Variants in MAP7 observed in about 807,000 individuals in gnomAD.
MAP7 encodes ensconsin.
A neutral mutation model predicts 94.8 loss-of-function variants in MAP7; 52 were observed. The ratio of observed to expected loss-of-function variants is 0.55; its 90% CI spans 0.44 to 0.69. The LOEUF (loss-of-function observed/expected upper bound fraction) is 0.69, where lower values mean the gene tolerates loss of function less well. MAP7 is among the 30% of genes least tolerant of loss of function. The probability of loss-of-function intolerance (pLI) is 0.00; values close to 1 mark genes in which losing one functional copy is unlikely to be tolerated. For synonymous variants in MAP7, 350 were observed against 357.0 expected, an observed-to-expected ratio of 0.98 and a Z score of 0.22; for missense variants, 940 against 964.6, an observed-to-expected ratio of 0.97 and a Z score of 0.34.
rs761607300 is a variant in MAP7, at chr6:136,466,778, TC to T, written c.68-44980del. 39 of 1,535,392 alleles carry T rather than the reference TC, an allele frequency of 2.5e-5. No homozygotes were observed. In the South Asian group the frequency reaches 4.6e-4, roughly 18 times the overall value. Reference sequence around the variant, plus strand: ...GAACTTACAGTACAGTTTAGTGTCTTCCATGCTAAAATCCTTCTTTCTTGAA... The same window carrying T: ...GAACTTACAGTACAGTTTAGTGTCTTCATGCTAAAATCCTTCTTTCTTGAA... On this transcript the variant is annotated intron_variant, in intron 1 of 17. Transcript: ENST00000354570.
chr6:136,362,624 G>A lies in MAP7; in HGVS notation c.1352C>T (p.Pro451Leu), dbSNP rs1349857565. The A allele has an allele frequency of 6.2e-7, 1 of 1,613,220 alleles. No homozygotes were observed. Among genetic ancestry groups the A allele is most frequent in the South Asian group, 1.1e-5 (1 of 91,018 alleles). Reference sequence around the variant, plus strand: ...GGATGACGGGGCTGAGACCATGGCTGGGGTGGGGACCGGGGCTGGAGCTGG... The same window carrying A: ...GGATGACGGGGCTGAGACCATGGCTAGGGTGGGGACCGGGGCTGGAGCTGG... ...SAPAPAPVPT[P>L]AMVSAPSSTV... The change falls in exon 11 of 18, where the codon CCA becomes CTA. Residue 451 changes from proline (P) to leucine (L), a missense_variant. Coordinates refer to ENST00000354570, the MANE Select transcript of MAP7 (RefSeq NM_003980.6).
At chr6:136,354,104 T>C (rs1029865518) in intron 16 of MAP7, among the ~76,000 whole-genome samples, 3 of 102,148 alleles carry the variant, frequency 2.9e-5, no homozygotes, top group African/African-American at 1.1e-4. Flanking sequence ...TCTGGGAATC[T>C]ACTATATATA....
chr6:136,450,954 C>T (rs1364940176), intron 1 of MAP7, among the ~76,000 whole-genome samples: 1 of 152,038 alleles, frequency 6.6e-6, no homozygotes, highest in Non-Finnish European at 1.5e-5. Context: ...GCCTTTTTGG[C>T]ATAAGGATTA....
chr6:136,485,138 A>G (rs1814217755), intron 1 of MAP7, among the ~76,000 whole-genome samples: 1 of 152,236 alleles, frequency 6.6e-6, no homozygotes, highest in Non-Finnish European at 1.5e-5. Flanking sequence ...GAAAAATGGT[A>G]TGAATTGTGT....
intron 8 of MAP7, among the ~76,000 whole-genome samples, chr6:136,372,201 A>G (rs969700886): frequency 6.6e-6 from 1 of 152,210 alleles, no homozygotes; most frequent in African/African-American, 2.4e-5. Context: ...GTATTCTGGC[A>G]TTGTACTTAT....
intron 3 of MAP7, among the ~76,000 whole-genome samples, chr6:136,405,766 G>A (rs1785402534): frequency 6.6e-6 from 1 of 152,206 alleles, no homozygotes. Context: ...GCTGTCTTGG[G>A]CCAAGGTGGC....
intron 1 of MAP7, among the ~76,000 whole-genome samples, chr6:136,456,840 A>AGAAGAG (rs1269338411): frequency 2.4e-5 from 3 of 123,964 alleles, no homozygotes; most frequent in African/African-American, 8.5e-5. Context: ...AAGAAGAAGA[A>AGAAGAG]GAAGAAGAGG....
chr6:136,497,816 A>G (rs896848325), intron 1 of MAP7, among the ~76,000 whole-genome samples: 3 of 151,332 alleles, frequency 2.0e-5, no homozygotes, highest in East Asian at 1.9e-4. Context: ...AAAAAAAAAA[A>G]AAAGAAAGCA....
At chr6:136,488,671 TTGATCTCG>T (rs1815567098) in intron 1 of MAP7, among the ~76,000 whole-genome samples, 1 of 152,162 alleles carries the variant, frequency 6.6e-6, no homozygotes, top group African/African-American at 2.4e-5. Context: ...TCTTGATCTC[TTGATCTCG>T]TGATCTGCCT....
chr6:136,437,596 G>C (rs374462385), intron 1 of MAP7, among the ~76,000 whole-genome samples: 1 of 152,114 alleles, frequency 6.6e-6, no homozygotes, highest in African/African-American at 2.4e-5. Flanking sequence ...TTATGTATAA[G>C]AATGACAGTT....
rs1283788785 is a variant in MAP7, at chr6:136,365,800, G to A, written c.1208C>T (p.Pro403Leu). Residue 403 changes from proline to leucine, a missense_variant, in exon 10 of 18, where the codon CCT becomes CTT. Pro to Leu is a moderately conservative substitution (Grantham distance 98). Transcript: ENST00000354570. ...ANEPSLKGRA[P>L]LVKVEEATVE... Reference sequence around the variant, plus strand: ...TGTGGCTTCTTCTACCTTCACTAAAGGTGCTCTGCCCTTTAGTGAGGGCTC... The same window carrying A: ...TGTGGCTTCTTCTACCTTCACTAAAAGTGCTCTGCCCTTTAGTGAGGGCTC... 6.2e-7 allele frequency: 1 copy of A among 1,614,126 alleles called. No homozygotes were observed. Among genetic ancestry groups the A allele is most frequent in the East Asian group, 2.2e-5 (1 of 44,864 alleles).
intron 17 of MAP7, among the ~76,000 whole-genome samples, chr6:136,344,796 A>G (rs1787236757): frequency 6.6e-6 from 1 of 152,208 alleles, no homozygotes; most frequent in African/African-American, 2.4e-5. Context: ...TCCACTTCCA[A>G]GGTCAGTACA....
chr6:136,486,570 A>G (rs1814810149), intron 1 of MAP7, among the ~76,000 whole-genome samples: 1 of 152,166 alleles, frequency 6.6e-6, no homozygotes, highest in African/African-American at 2.4e-5. Context: ...TAGCCCCACA[A>G]TCTCAGAGAG....
intron 1 of MAP7, among the ~76,000 whole-genome samples, chr6:136,470,939 T>C (rs1398099947): frequency 6.6e-6 from 1 of 152,218 alleles, no homozygotes; most frequent in African/African-American, 2.4e-5. Context: ...ACTAGAATCA[T>C]ATATACTAAA....
At chr6:136,520,228 C>T (rs1398226828) in intron 1 of MAP7, among the ~76,000 whole-genome samples, 3 of 148,700 alleles carry the variant, frequency 2.0e-5, no homozygotes, top group African/African-American at 5.0e-5. Flanking sequence ...GGGGGAGGAG[C>T]AGGAGGAGGA....
intron 1 of MAP7, among the ~76,000 whole-genome samples, chr6:136,539,962 G>C (rs1307154503): frequency 6.6e-6 from 1 of 152,182 alleles, no homozygotes; most frequent in East Asian, 1.9e-4. Flanking sequence ...TTGGGCGACA[G>C]AGCGAGACCC....
At chr6:136,433,056 T>G (rs1795406488) in intron 1 of MAP7, among the ~76,000 whole-genome samples, 1 of 152,196 alleles carries the variant, frequency 6.6e-6, no homozygotes, top group Admixed American at 6.5e-5. Context: ...AAGAAATGTC[T>G]ATTACATGGT....
chr6:136,449,715 C>T (rs1004233997), intron 1 of MAP7, among the ~76,000 whole-genome samples: 2 of 152,178 alleles, frequency 1.3e-5, no homozygotes, highest in Admixed American at 1.3e-4. Flanking sequence ...TTAGGCTAAA[C>T]TTAATTTAAA....
chr6:136,435,203 A>C (rs899889883), intron 1 of MAP7, among the ~76,000 whole-genome samples: 1 of 152,240 alleles, frequency 6.6e-6, no homozygotes, highest in African/African-American at 2.4e-5. Context: ...GATAAACTAC[A>C]TGGATACCTT....
Sources: allele counts gnomAD v4.1 joint callset (sites outside exome capture counted in the v4.1 genomes callset), GRCh38; gene constraint gnomAD v4.1.1; transcripts MANE v1.5; gene names NCBI Gene and HGNC (gene_info 2026-07-23, HGNC 2026-07-21).